The following SDK2 variants were observed in gnomAD, a reference collection of about 807,000 sequenced individuals.
SDK2 encodes protein sidekick-2.
SDK2 carries 105 observed loss-of-function variants against 253.9 expected under a neutral mutation model. The ratio of observed to expected loss-of-function variants is 0.41; its 90% CI spans 0.35 to 0.49. SDK2 has a LOEUF of 0.49. Among genes scored for constraint, SDK2 ranks in the 20% least tolerant of loss-of-function variants. SDK2 has a pLI of 0.06. For missense variants in SDK2, 2,608 were observed against 3,003.0 expected, an observed-to-expected ratio of 0.87 and a Z score of 3.07; for synonymous variants, 1,249 against 1,234.9, an observed-to-expected ratio of 1.01 and a Z score of -0.24.
At chr17:73,470,031 C>G (rs2145690797) in intron 3 of SDK2, among the ~76,000 whole-genome samples, 1 of 151,658 alleles carries the variant, frequency 6.6e-6, no homozygotes. Context: ...CACACACACA[C>G]ACAGAGGTTC....
chr17:73,534,847 C>A lies in SDK2; in HGVS notation c.65-27250G>T, dbSNP rs1369789317. On this transcript the variant is annotated intron_variant, in intron 1 of 44. Coordinates refer to ENST00000392650, the MANE Select transcript of SDK2 (RefSeq NM_001144952.2). The surrounding 1 kb of genome is among the most constrained non-coding windows in gnomAD (Gnocchi z 4.9). ...GGCAGCGGGCCGGGCTCCCTGGACT[C>A]CTTTGCATCTTCTAGGCCTCCTTGT... 1.3e-5 allele frequency among the ~76,000 whole-genome samples: 2 copies of A among 152,144 alleles called. No homozygotes were observed. The highest frequency in any genetic ancestry group is 4.8e-5 in the African/African-American group (2 of 41,428).
chr17:73,423,116 TA>T (rs1396984908), intron 14 of SDK2, among the ~76,000 whole-genome samples: 1 of 152,192 alleles, frequency 6.6e-6, no homozygotes, highest in Non-Finnish European at 1.5e-5. Context: ...AAATAAATAA[TA>T]AATAAATACT....
intron 14 of SDK2, among the ~76,000 whole-genome samples, chr17:73,422,742 C>G (rs2063243161): frequency 6.6e-6 from 1 of 152,126 alleles, no homozygotes; most frequent in Non-Finnish European, 1.5e-5. Flanking sequence ...GCCATTCAGG[C>G]TGGGTGTGGT....
rs751221950 is a variant in SDK2, at chr17:73,629,523, G to A, written c.64+14502C>T. Among the ~76,000 whole-genome samples, 10 of 152,156 alleles carry A rather than the reference G, an allele frequency of 6.6e-5. No homozygotes were observed. Among genetic ancestry groups the A allele is most frequent in the Non-Finnish European group, 1.5e-4 (10 of 68,032 alleles). On this transcript the variant is annotated intron_variant, in intron 1 of 44. Coordinates refer to ENST00000392650, the MANE Select transcript of SDK2 (RefSeq NM_001144952.2). The surrounding 1 kb of genome is among the most constrained non-coding windows in gnomAD (Gnocchi z 5.0). ...TGCGTATTTGCTGTCTATAATTGCT[G>A]CTTGGTATCAGTAAGGATGAAAAAG...
At chr17:73,486,333 G>C (rs1468696488) in intron 2 of SDK2, among the ~76,000 whole-genome samples, 1 of 152,190 alleles carries the variant, frequency 6.6e-6, no homozygotes, top group African/African-American at 2.4e-5. Flanking sequence ...TAGAGGCTGA[G>C]AGCAGTGACT....
intron 26 of SDK2, 25 bp from the exon 27 acceptor site, chr17:73,393,774 G>T: frequency 6.6e-7 from 1 of 1,520,930 alleles, no homozygotes; most frequent in South Asian, 1.3e-5. Context: ...CACAGGGTGA[G>T]GGCCTCAGGC....
At chr17:73,473,542 T>C (rs1318028946) in intron 2 of SDK2, among the ~76,000 whole-genome samples, 1 of 152,220 alleles carries the variant, frequency 6.6e-6, no homozygotes, top group Non-Finnish European at 1.5e-5. Context: ...GTGCCAACCC[T>C]GGGATGCAGC....
chr17:73,449,960 A>G (rs967148251), intron 4 of SDK2, among the ~76,000 whole-genome samples: 1 of 152,172 alleles, frequency 6.6e-6, no homozygotes, highest in African/African-American at 2.4e-5. Context: ...AAAAACAAGA[A>G]ACAAAAAACA....
At chr17:73,519,688 G>C (rs1311692622) in intron 1 of SDK2, 1 of 152,206 alleles carries the variant, frequency 6.6e-6, no homozygotes, top group African/African-American at 2.4e-5. Context: ...CAGTGGCAGA[G>C]CTGGGTTTTG....
At position 73,388,026 on chromosome 17, in the gene SDK2, G is replaced by A. The variant is rs781065583; in HGVS notation, c.4204C>T (p.Pro1402Ser). 3.8e-6 allele frequency: 6 copies of A among 1,565,934 alleles called. No individual in the cohort carries two copies. The highest frequency in any genetic ancestry group is 1.8e-4 in the Middle Eastern group (1 of 5,626). Residue 1402 changes from proline to serine, a missense_variant, in exon 30 of 45, where the codon CCC becomes TCC. Pro to Ser is a moderately conservative substitution (Grantham distance 74). Around this residue, in one of 2 missense-constraint regions of SDK2, gnomAD observed 1,103 missense variants for 1,143.9 expected, o/e 0.96. Transcript: ENST00000392650. ...TGCTGCACCATCGGCCTGCTGGGGG[G>A]CTGCGGACGGTCTGGGAGGTGGCAG... ...VTTEKRDRPQ[P>S]PSRPMVQQED...
intron 1 of SDK2, among the ~76,000 whole-genome samples, chr17:73,628,641 C>T (rs1316801928): frequency 1.3e-5 from 2 of 152,208 alleles, no homozygotes; most frequent in East Asian, 3.9e-4. Context: ...GAGAGCCACA[C>T]CCCTAAACAA....
At position 73,431,010 on chromosome 17, in the gene SDK2, G is replaced by A. The variant is rs984707660; in HGVS notation, c.1481-397C>T. Among the ~76,000 whole-genome samples the A allele has an allele frequency of 6.6e-6, 1 of 152,172 alleles. No individual in the cohort carries two copies. ...GAGAAGCTCTCTTACAGCAGGGGTC[G>A]GCTAACTACAGGCTGGGGGCCAAAT... On this transcript the variant is annotated intron_variant, in intron 11 of 44. Coordinates refer to ENST00000392650, the MANE Select transcript of SDK2 (RefSeq NM_001144952.2). This position sits in a 1 kb window ranked among gnomAD's most constrained non-coding sequence, Gnocchi z 5.6.
chr17:73,588,472 G>A (rs947205397), intron 1 of SDK2, among the ~76,000 whole-genome samples: 4 of 151,778 alleles, frequency 2.6e-5, no homozygotes, highest in African/African-American at 9.7e-5. Context: ...TTCTGGGTGT[G>A]GAGCTTGGCA....
chr17:73,607,166 C>T lies in SDK2; in HGVS notation c.64+36859G>A, dbSNP rs1490016861. ...AGTGCCAAATAAGTGGTGTGGACAA[C>T]AAGTGGTCAAGAGGACTTCACAGGA... is the stretch of plus-strand genomic sequence containing the variant. On this transcript the variant is annotated intron_variant, in intron 1 of 44. Coordinates refer to ENST00000392650, the MANE Select transcript of SDK2 (RefSeq NM_001144952.2). Among the ~76,000 whole-genome samples the T allele has an allele frequency of 1.1e-4, 16 of 152,196 alleles. 1 individual carries two copies. Among genetic ancestry groups the T allele is most frequent in the Non-Finnish European group, 1.9e-4 (13 of 68,046 alleles).
At chr17:73,493,845 G>A (rs564548859) in intron 2 of SDK2, among the ~76,000 whole-genome samples, 34 of 152,294 alleles carry the variant, frequency 2.2e-4, no homozygotes, top group African/African-American at 7.5e-4. Context: ...CAGCAGCATC[G>A]CCCTGCCTGC....
chr17:73,592,913 C>T (rs1316568653), intron 1 of SDK2, among the ~76,000 whole-genome samples: 2 of 152,166 alleles, frequency 1.3e-5, no homozygotes, highest in African/African-American at 4.8e-5. Flanking sequence ...AACCTCAGCT[C>T]ACCCCGGTAA....
At chr17:73,365,425 C>G in intron 37 of SDK2, 30 bp from the exon 38 acceptor site, 1 of 1,571,988 alleles carries the variant, frequency 6.4e-7, no homozygotes, top group Non-Finnish European at 8.6e-7. Flanking sequence ...GTTTTTGTTT[C>G]CTTCTTCTGT....
rs116929717 is a variant in SDK2, at chr17:73,400,592, A to G, written c.2971+428T>C. Among the ~76,000 whole-genome samples the G allele has an allele frequency of 3.3e-3, 502 of 152,262 alleles. 16 individuals carry two copies. In the East Asian group the frequency reaches 0.055, roughly 17 times the overall value. ...GCTCTGAGGGGACCCAGACCCACAC[A>G]GCACAAGGGAAGGGGAGAGCCTGTG... On this transcript the variant is annotated intron_variant, in intron 21 of 44. Coordinates refer to ENST00000392650, the MANE Select transcript of SDK2 (RefSeq NM_001144952.2).
chr17:73,471,333 C>T (rs1347177913), intron 3 of SDK2, among the ~76,000 whole-genome samples: 1 of 152,196 alleles, frequency 6.6e-6, no homozygotes, highest in Non-Finnish European at 1.5e-5. Context: ...CGCGGTGGCT[C>T]ACACCTGTAA....
Sources: gnomAD v4.1 joint callset for allele counts (sites outside exome capture counted in the v4.1 genomes callset) on GRCh38, gnomAD v4.1.1 for gene constraint, gnomAD v4.1.1 regional missense constraint, Gnocchi (gnomAD v3.1) non-coding constraint, MANE v1.5 for transcripts, NCBI Gene and HGNC (gene_info 2026-07-23, HGNC 2026-07-21) for gene names.